Variants in UBAC2 observed in about 807,000 individuals in gnomAD.
UBAC2 encodes UBA domain containing 2, also known as ubiquitin-associated domain-containing protein 2.
UBAC2 carries 26 observed loss-of-function variants against 44.0 expected under a neutral mutation model. That is an observed-to-expected ratio of 0.59 (90% CI 0.43 to 0.82). The LOEUF (loss-of-function observed/expected upper bound fraction) is 0.82. Ranked by LOEUF, UBAC2 falls within the 40% of genes least tolerant of loss-of-function variation. The probability of loss-of-function intolerance (pLI) is 0.00; values close to 1 mark genes in which losing one functional copy is unlikely to be tolerated. For missense variants in UBAC2, 329 were observed against 419.4 expected (o/e 0.78, Z 1.88); for synonymous variants, 155 against 154.3 (o/e 1.00, Z -0.04).
At chr13:99,341,275 C>G (rs963125487) in intron 7 of UBAC2, among the ~76,000 whole-genome samples, 1 of 152,176 alleles carries the variant, frequency 6.6e-6, no homozygotes. Context: ...GTAAACCGTA[C>G]AGTTACCTCT....
rs2045614920 is a variant in UBAC2, at chr13:99,385,968, TCAGAGTATC to T, written c.*640_*648del. On this transcript the variant is annotated 3_prime_UTR_variant, in exon 9 of 9. Transcript: ENST00000403766. ...TCCATGAAACTTGGGTTAATTTTGC[TCAGAGTATC>T]CAGAGTTAGCCACTAGGCTGCGGGT... 1.3e-5 allele frequency: 2 copies of T among 152,910 alleles called. No individual in the cohort carries two copies. Among genetic ancestry groups the T allele is most frequent in the Admixed American group, 6.5e-5 (1 of 15,310 alleles). 9.5% of individuals were successfully genotyped at this position (152,910 alleles called of 1,614,324 possible).
intron 4 of UBAC2, among the ~76,000 whole-genome samples, chr13:99,300,981 A>T (rs1248416287): frequency 1.3e-5 from 2 of 150,184 alleles, no homozygotes; most frequent in Admixed American, 1.3e-4. Flanking sequence ...GTTATTTAAG[A>T]TATATTTATA....
At chr13:99,331,894 G>C (rs1490459504) in intron 6 of UBAC2, among the ~76,000 whole-genome samples, 1 of 151,868 alleles carries the variant, frequency 6.6e-6, no homozygotes, top group Non-Finnish European at 1.5e-5. Flanking sequence ...AACATAGGCT[G>C]GCACGTATTA....
intron 5 of UBAC2, among the ~76,000 whole-genome samples, chr13:99,316,399 T>TTGAA (rs568962794): frequency 0.024 from 3,705 of 152,208 alleles, 67 homozygotes; most frequent in Non-Finnish European, 0.04. Flanking sequence ...AGGGACATTG[T>TTGAA]TGAATGAATG....
Position 99,238,337 on chromosome 13 carries a change from A to G in UBAC2, c.32-90A>G. Reference sequence around the variant, plus strand: ...CTGGACTTTGTCTTCATTCTGATTTAAAAGAAGTGAATTCTCTTGCTTTTC... The same window carrying G: ...CTGGACTTTGTCTTCATTCTGATTTGAAAGAAGTGAATTCTCTTGCTTTTC... On this transcript the variant is annotated intron_variant, in intron 1 of 8. Coordinates refer to ENST00000403766, the MANE Select transcript of UBAC2 (RefSeq NM_001144072.2). The G allele has an allele frequency of 2.0e-6, 3 of 1,489,508 alleles. No individual in the cohort carries two copies. In the South Asian group the frequency reaches 3.8e-5, roughly 19 times the overall value. The allele number at this position is 1,489,508 out of a possible 1,614,324, so 92.3% of individuals were successfully genotyped here. A position where few individuals can be genotyped will look rare whatever the true frequency, so the allele number is the denominator to read the frequency against.
intron 6 of UBAC2, among the ~76,000 whole-genome samples, chr13:99,328,307 T>C (rs145455774): frequency 0.011 from 1,612 of 152,362 alleles, 24 homozygotes; most frequent in South Asian, 0.067. Flanking sequence ...TGAATAATGC[T>C]GCTGTGAACA....
intron 6 of UBAC2, among the ~76,000 whole-genome samples, chr13:99,330,187 G>A (rs944769890): frequency 2.0e-5 from 3 of 152,034 alleles, no homozygotes; most frequent in African/African-American, 7.2e-5. Flanking sequence ...TTGGCTGGGT[G>A]TGGTGGCTCA....
At position 99,385,701 on chromosome 13, in the gene UBAC2, C is replaced by T. The variant is rs951686209; in HGVS notation, c.*366C>T. ...TCTTACTGTAACATGTCATCTCCTG[C>T]GTCGTGATGGGGAGAGGGTAATGTT... On this transcript the variant is annotated 3_prime_UTR_variant, in exon 9 of 9. Coordinates refer to ENST00000403766, the MANE Select transcript of UBAC2 (RefSeq NM_001144072.2). 2.8e-5 allele frequency: 6 copies of T among 213,562 alleles called. No individual in the cohort carries two copies. Among genetic ancestry groups the T allele is most frequent in the Non-Finnish European group, 4.8e-5 (5 of 103,854 alleles). 13.2% of individuals were successfully genotyped at this position (213,562 alleles called of 1,614,324 possible). A position where few individuals can be genotyped will look rare whatever the true frequency, so the allele number is the denominator to read the frequency against.
At chr13:99,232,384 C>T (rs1307399091) in intron 1 of UBAC2, among the ~76,000 whole-genome samples, 3 of 76,168 alleles carry the variant, frequency 3.9e-5, no homozygotes, top group African/African-American at 6.9e-5. Context: ...AGACCCTGTC[C>T]ATCCTTAGTT....
chr13:99,358,396 G>A (rs2138873485), intron 7 of UBAC2, among the ~76,000 whole-genome samples: 1 of 152,332 alleles, frequency 6.6e-6, no homozygotes, highest in East Asian at 1.9e-4. Context: ...GAATGCAGAA[G>A]CAGATGGGAG....
intron 6 of UBAC2, among the ~76,000 whole-genome samples, chr13:99,332,134 G>T (rs2044724065): frequency 6.6e-6 from 1 of 152,110 alleles, no homozygotes; most frequent in Non-Finnish European, 1.5e-5. Flanking sequence ...GGGACCGGTG[G>T]TTGGCACAGC....
intron 6 of UBAC2, among the ~76,000 whole-genome samples, chr13:99,327,769 A>C (rs1264036567): frequency 6.6e-6 from 1 of 152,196 alleles, no homozygotes; most frequent in Non-Finnish European, 1.5e-5. Flanking sequence ...ATAAAATTTA[A>C]AAGATTTATG....
intron 7 of UBAC2, among the ~76,000 whole-genome samples, chr13:99,367,193 CT>C (rs1379820900): frequency 2.6e-5 from 4 of 152,226 alleles, no homozygotes; most frequent in African/African-American, 9.6e-5. Context: ...ATGCTCACTT[CT>C]CACCTTTTTG....
intron 4 of UBAC2, among the ~76,000 whole-genome samples, chr13:99,283,523 G>A (rs1425080892): frequency 1.3e-5 from 2 of 151,842 alleles, no homozygotes; most frequent in Non-Finnish European, 2.9e-5. Flanking sequence ...TAAATGAATA[G>A]CCAGATTTAA....
intron 6 of UBAC2, among the ~76,000 whole-genome samples, chr13:99,338,241 A>G (rs1297173857): frequency 6.6e-6 from 1 of 151,670 alleles, no homozygotes; most frequent in Non-Finnish European, 1.5e-5. Flanking sequence ...TATTTTTAGT[A>G]GAGACGGGTT....
intron 8 of UBAC2, among the ~76,000 whole-genome samples, chr13:99,371,064 T>C (rs2045399483): frequency 6.6e-6 from 1 of 151,722 alleles, no homozygotes; most frequent in Non-Finnish European, 1.5e-5. Context: ...TATTTAAAGG[T>C]GATATATTTC....
chr13:99,326,185 A>G (rs991171671), intron 6 of UBAC2, among the ~76,000 whole-genome samples: 4 of 152,158 alleles, frequency 2.6e-5, no homozygotes, highest in African/African-American at 9.7e-5. Flanking sequence ...CCCACATCCT[A>G]ACCAACACTT....
chr13:99,312,112 G>GT (rs1423284541), intron 4 of UBAC2, among the ~76,000 whole-genome samples: 2 of 152,192 alleles, frequency 1.3e-5, no homozygotes, highest in African/African-American at 4.8e-5. Flanking sequence ...CATTTGTTTT[G>GT]TGTGTGTTGT....
chr13:99,242,872 G>C (rs1465276990), intron 2 of UBAC2, among the ~76,000 whole-genome samples: 1 of 148,674 alleles, frequency 6.7e-6, no homozygotes, highest in African/African-American at 2.5e-5. Flanking sequence ...CCTCCCAGAC[G>C]GGGCGGCGGG....
Sources: gnomAD v4.1 joint callset for allele counts (sites outside exome capture counted in the v4.1 genomes callset) on GRCh38, gnomAD v4.1.1 for gene constraint, MANE v1.5 for transcripts, NCBI Gene and HGNC (gene_info 2026-07-23, HGNC 2026-07-21) for gene names.